The following ENDOV variants were observed in gnomAD, a reference collection of about 807,000 sequenced individuals.
ENDOV encodes the protein endonuclease V.
ENDOV carries 37 observed loss-of-function variants against 39.4 expected under a neutral mutation model. The observed-to-expected ratio is 0.94, with a 90% CI of 0.72 to 1.23. ENDOV has a LOEUF of 1.23. Ranked by LOEUF, ENDOV falls within the 50% of genes most tolerant of loss-of-function variation. The pLI, the probability that ENDOV is intolerant of heterozygous loss-of-function variation, is 0.00. For synonymous variants in ENDOV, 186 were observed against 163.4 expected, an observed-to-expected ratio of 1.14 and a Z score of -1.05; for missense variants, 441 against 375.7, an observed-to-expected ratio of 1.17 and a Z score of -1.44.
intron 9 of ENDOV, chr17:80,433,262 G>C: frequency 1.9e-6 from 1 of 518,132 alleles, no homozygotes; most frequent in Non-Finnish European, 3.9e-6. Flanking sequence ...CCCATGTGGT[G>C]GGGGATATTC....
chr17:80,415,658 C>A lies in ENDOV; in HGVS notation c.65C>A (p.Ala22Asp). The change falls in exon 2 of 10, where the codon GCT becomes GAT. Residue 22 changes from alanine (A) to aspartate (D), a missense_variant. Transcript: ENST00000518137. The part of the protein sequence containing the change: ...ETLSLWKREQ[A>D]RLKAHVVDRD... ...CGCTTCTGTCCTCCTAGGGAGCAAG[C>A]TCGGCTGAAGGCCCACGTCGTAGAC... The A allele has an allele frequency of 6.2e-7, 1 of 1,612,352 alleles. No individual in the cohort carries two copies.
chr17:80,425,920 C>T (rs758406401), intron 7 of ENDOV, among the ~76,000 whole-genome samples: 1 of 152,176 alleles, frequency 6.6e-6, no homozygotes, highest in Non-Finnish European at 1.5e-5. Flanking sequence ...CTTGGAGAAT[C>T]AGTGATGTTA....
At chr17:80,427,880 C>T (rs1238489359) in intron 7 of ENDOV, 1 of 1,234,762 alleles carries the variant, frequency 8.1e-7, no homozygotes, top group Admixed American at 2.7e-5. Context: ...CCTACCGCTG[C>T]CCCACTTCCC....
At chr17:80,425,894 C>G (rs750392577) in intron 7 of ENDOV, among the ~76,000 whole-genome samples, 5 of 152,204 alleles carry the variant, frequency 3.3e-5, no homozygotes, top group African/African-American at 4.8e-5. Context: ...GCCTCCTGCA[C>G]CCAGATACAG....
intron 4 of ENDOV, among the ~76,000 whole-genome samples, chr17:80,422,792 C>T (rs1011661702): frequency 1.1e-4 from 17 of 152,138 alleles, no homozygotes; most frequent in Non-Finnish European, 2.1e-4. Context: ...CTCCGCCTCC[C>T]GGGTTCATGC....
At chr17:80,419,644 TCTG>T (rs2081714426) in intron 2 of ENDOV, 7 of 702,856 alleles carry the variant, frequency 1.0e-5, no homozygotes, top group Middle Eastern at 2.3e-4. Context: ...TGTCAGCCCT[TCTG>T]CTGCTGGAAA....
intron 9 of ENDOV, chr17:80,433,033 A>G (rs975711741): frequency 6.1e-6 from 3 of 488,380 alleles, no homozygotes; most frequent in African/African-American, 2.0e-5. Flanking sequence ...GCCCCAAACA[A>G]ATGCCTCTCC....
intron 6 of ENDOV, 37 bp downstream of exon 6, chr17:80,425,137 G>A (rs753722503): frequency 1.8e-5 from 28 of 1,561,826 alleles, no homozygotes; most frequent in South Asian, 4.6e-5. Flanking sequence ...CCAAAGCCCC[G>A]GGGTAGGGGA....
Position 80,425,332 on chromosome 17 carries a change from G to A in ENDOV, c.586-160G>A, listed in dbSNP as rs1221909316. ...TCCCCCAGGGACAAGCAGCAGGAAG[G>A]CGCCCTGAGGGTGGGCAGGCCCTGG... On this transcript the variant is annotated intron_variant, in intron 6 of 9. Coordinates refer to ENST00000518137, the MANE Select transcript of ENDOV (RefSeq NM_173627.5). 7 of 1,119,042 alleles carry A rather than the reference G, an allele frequency of 6.3e-6. No individual in the cohort carries two copies. In the African/African-American group the frequency reaches 1.1e-4, roughly 18 times the overall value. The allele number at this position is 1,119,042 out of a possible 1,614,324, so 69.3% of individuals were successfully genotyped here.
chr17:80,430,655 C>T (rs868134660), intron 9 of ENDOV, among the ~76,000 whole-genome samples: 4 of 152,224 alleles, frequency 2.6e-5, no homozygotes, highest in Non-Finnish European at 5.9e-5. Context: ...GGGCAGCACA[C>T]GGGCAGTCTG....
rs541736213 is a variant in ENDOV, at chr17:80,429,674, T to G, written c.780-99T>G. On this transcript the variant is annotated intron_variant, in intron 8 of 9. Coordinates refer to ENST00000518137, the MANE Select transcript of ENDOV (RefSeq NM_173627.5). The stretch of plus-strand genomic sequence containing the variant: ...CCTGGGCTGTAGCAGGTCCTGAGTG[T>G]CCAGGCCAAGCGCAGTTCCCAGACC... 49 of 1,189,016 alleles carry G rather than the reference T, an allele frequency of 4.1e-5. No individual in the cohort carries two copies. The Admixed American group carries it at 6.3e-4, about 15-fold the overall frequency. 73.7% of individuals were successfully genotyped at this position (1,189,016 alleles called of 1,614,324 possible).
chr17:80,433,784 G>A (rs955263821), intron 9 of ENDOV, among the ~76,000 whole-genome samples: 4 of 152,202 alleles, frequency 2.6e-5, no homozygotes, highest in Non-Finnish European at 5.9e-5. Flanking sequence ...TGGGTGTCAG[G>A]TGGGCCTCCC....
At chr17:80,422,016 G>A in intron 3 of ENDOV, 54 bp downstream of exon 3, 1 of 1,593,202 alleles carries the variant, frequency 6.3e-7, no homozygotes, top group Non-Finnish European at 8.5e-7. Context: ...CCCTGGGGGA[G>A]GGAAGGCTGC....
intron 2 of ENDOV, chr17:80,417,844 A>G (rs1042002541): frequency 1.3e-5 from 2 of 152,162 alleles, no homozygotes; most frequent in Non-Finnish European, 2.9e-5. Context: ...CCTTCAAGAG[A>G]TACGTGTGTG....
At chr17:80,428,514 G>A in intron 7 of ENDOV, 82 bp from the exon 8 acceptor site, 1 of 1,365,820 alleles carries the variant, frequency 7.3e-7, no homozygotes, top group Non-Finnish European at 1.0e-6. Flanking sequence ...GTGGGGGATG[G>A]AGGCATTGCC....
intron 5 of ENDOV, chr17:80,424,090 C>T (rs1392781046): frequency 7.7e-6 from 3 of 388,362 alleles, no homozygotes; most frequent in Non-Finnish European, 1.4e-5. Context: ...TCCTACCTCA[C>T]CTTCCCCTGC....
chr17:80,422,951 G>T (rs542720980), intron 4 of ENDOV, among the ~76,000 whole-genome samples: 2 of 151,852 alleles, frequency 1.3e-5, no homozygotes, highest in Non-Finnish European at 2.9e-5. Flanking sequence ...CGCCTGCCTC[G>T]GCCTCCCAAA....
Position 80,436,563 on chromosome 17 carries a change from T to TCTG in ENDOV, c.*420_*421insCTG. The TCTG allele has an allele frequency of 3.2e-6, 1 of 309,986 alleles. No individual in the cohort carries two copies. Among genetic ancestry groups the TCTG allele is most frequent in the Non-Finnish European group, 6.0e-6 (1 of 167,272 alleles). The allele number at this position is 309,986 out of a possible 1,614,324, so 19.2% of individuals were successfully genotyped here. On this transcript the variant is annotated 3_prime_UTR_variant, in exon 10 of 10. Transcript: ENST00000518137. Reference sequence around the variant, plus strand: ...TCTTCTGTGAATATGAGGTGTTACATTGATTGATTTTCATATGTTGAGCCA... The same window carrying TCTG: ...TCTTCTGTGAATATGAGGTGTTACATCTGTGATTGATTTTCATATGTTGAGCCA...
rs1386412540 is a variant in ENDOV at position 80,423,525 on chromosome 17, G to C, written c.409G>C (p.Gly137Arg). 6 of 1,465,662 alleles carry C rather than the reference G, an allele frequency of 4.1e-6. No homozygotes were observed. The highest frequency in any genetic ancestry group is 5.5e-6 in the Non-Finnish European group (6 of 1,091,466). 90.8% of individuals were successfully genotyped at this position (1,465,662 alleles called of 1,614,324 possible). Residue 137 changes from glycine (G) to arginine (R), a missense_variant, in exon 5 of 10, where the codon GGG (glycine) becomes CGG (arginine). Gly to Arg is a moderately radical substitution (Grantham distance 125). Coordinates refer to ENST00000518137, the MANE Select transcript of ENDOV (RefSeq NM_173627.5). ...CCCTCCTTTCTCTCTGGCAGGCTTT[G>C]GGGTGGCCTGCCACCTTGGCGTCCT... ...GNGVLHHRGF[G>R]VACHLGVLTD...
Sources: allele counts gnomAD v4.1 joint callset (sites outside exome capture counted in the v4.1 genomes callset), GRCh38; gene constraint gnomAD v4.1.1; transcripts MANE v1.5; gene names NCBI Gene and HGNC (gene_info 2026-07-23, HGNC 2026-07-21).